ANGPT1: variants seen among roughly 807,000 people sequenced by gnomAD.
ANGPT1 encodes angiopoietin-1.
In ANGPT1, 17 loss-of-function variants were observed where a neutral mutation model predicts 62.2. That is an observed-to-expected ratio of 0.27 (90% CI 0.19 to 0.41). The LOEUF (loss-of-function observed/expected upper bound fraction) is 0.41. Among genes scored for constraint, ANGPT1 ranks in the 10% least tolerant of loss-of-function variants. The pLI, the probability that ANGPT1 is intolerant of heterozygous loss-of-function variation, is 1.00. For missense variants in ANGPT1, 478 were observed against 594.9 expected, an observed-to-expected ratio of 0.80 and a Z score of 2.04; for synonymous variants, 199 against 198.9, an observed-to-expected ratio of 1.00 and a Z score of 0.00.
intron 1 of ANGPT1, among the ~76,000 whole-genome samples, chr8:107,399,427 C>G (rs779309079): frequency 2.0e-5 from 3 of 152,134 alleles, no homozygotes; most frequent in Admixed American, 1.3e-4. Flanking sequence ...ATTGTACTAT[C>G]AAAAACTATT....
chr8:107,330,035 A>C (rs4262299), intron 3 of ANGPT1, among the ~76,000 whole-genome samples: 19,330 of 152,116 alleles, frequency 0.13, 1,519 homozygotes, highest in East Asian at 0.34. Context: ...CTGTTAGAGA[A>C]GCTGACACAT....
At chr8:107,394,730 T>C (rs1279693271) in intron 1 of ANGPT1, among the ~76,000 whole-genome samples, 1 of 152,160 alleles carries the variant, frequency 6.6e-6, no homozygotes, top group Non-Finnish European at 1.5e-5. Flanking sequence ...CCCAAACCAT[T>C]CAGTCTTCAG....
chr8:107,453,037 C>A (rs1811819194), intron 1 of ANGPT1, among the ~76,000 whole-genome samples: 1 of 151,976 alleles, frequency 6.6e-6, no homozygotes, highest in Non-Finnish European at 1.5e-5. Flanking sequence ...AGGTTAAATG[C>A]TTAATGAACT....
chr8:107,412,223 A>G (rs1654751), intron 1 of ANGPT1, among the ~76,000 whole-genome samples: 113,082 of 151,396 alleles, frequency 0.75, 42,937 homozygotes, highest in East Asian at 0.84. Context: ...CATCTCAGTT[A>G]AAAGTGACCT....
intron 2 of ANGPT1, among the ~76,000 whole-genome samples, chr8:107,344,766 G>GA (rs1375519864): frequency 6.6e-6 from 1 of 152,174 alleles, no homozygotes; most frequent in Non-Finnish European, 1.5e-5. Flanking sequence ...CAAGTTAGAT[G>GA]AATATAGGAG....
chr8:107,422,147 G>T (rs1464699046), intron 1 of ANGPT1, among the ~76,000 whole-genome samples: 5 of 152,050 alleles, frequency 3.3e-5, no homozygotes, highest in Non-Finnish European at 2.9e-5. Flanking sequence ...CGTTACCTTA[G>T]TCTACTGAAA....
intron 1 of ANGPT1, among the ~76,000 whole-genome samples, chr8:107,349,651 T>C (rs999890781): frequency 7.9e-5 from 12 of 152,170 alleles, no homozygotes; most frequent in Admixed American, 2.0e-4. Flanking sequence ...GCTTTATAGA[T>C]GAGACTATTG....
intron 7 of ANGPT1, among the ~76,000 whole-genome samples, chr8:107,282,803 T>C (rs894081202): frequency 6.6e-6 from 1 of 151,658 alleles, no homozygotes; most frequent in East Asian, 1.9e-4. Flanking sequence ...ATCACACAGA[T>C]GTCAAAGAAA....
chr8:107,285,686 C>T (rs1031847860), intron 6 of ANGPT1, among the ~76,000 whole-genome samples: 1 of 151,880 alleles, frequency 6.6e-6, no homozygotes, highest in East Asian at 1.9e-4. Flanking sequence ...AAAGCCAGCG[C>T]TTAATGTTGG....
Position 107,264,214 on chromosome 8 carries a change from G to A in ANGPT1, c.1336+7C>T. ...CATAGCTTAGAGAATGGCCCCATAG[G>A]ACTTACCTCCTGTTAACATGAGGGC... On this transcript the variant is annotated splice_region_variant and intron_variant, in intron 8 of 8. Coordinates refer to ENST00000517746, the MANE Select transcript of ANGPT1 (RefSeq NM_001146.5). The A allele has an allele frequency of 2.5e-6, 4 of 1,612,208 alleles. No homozygotes were observed. Among genetic ancestry groups the A allele is most frequent in the Non-Finnish European group, 2.5e-6 (3 of 1,179,216 alleles).
At chr8:107,273,363 A>G (rs13274594) in intron 7 of ANGPT1, among the ~76,000 whole-genome samples, 20,384 of 151,970 alleles carry the variant, frequency 0.13, 1,406 homozygotes, top group East Asian at 0.26. Context: ...TGGACATTGT[A>G]TTGCTATAAG....
At chr8:107,475,768 G>A (rs1382736397) in intron 1 of ANGPT1, among the ~76,000 whole-genome samples, 2 of 152,140 alleles carry the variant, frequency 1.3e-5, no homozygotes, top group African/African-American at 4.8e-5. Flanking sequence ...ATCAAAAAGT[G>A]GGTGAAGGAT....
At chr8:107,371,830 C>T (rs1211705042) in intron 1 of ANGPT1, among the ~76,000 whole-genome samples, 2 of 152,094 alleles carry the variant, frequency 1.3e-5, no homozygotes, top group East Asian at 3.9e-4. Context: ...AATAACTTCT[C>T]ATTACCTTAA....
At chr8:107,474,204 C>A (rs1470005873) in intron 1 of ANGPT1, among the ~76,000 whole-genome samples, 2 of 88,224 alleles carry the variant, frequency 2.3e-5, no homozygotes, top group Non-Finnish European at 4.8e-5. Flanking sequence ...TACTGGCAAA[C>A]CGAATCCAGC....
chr8:107,382,040 C>T (rs1176404423), intron 1 of ANGPT1, among the ~76,000 whole-genome samples: 1 of 152,132 alleles, frequency 6.6e-6, no homozygotes, highest in Non-Finnish European at 1.5e-5. Flanking sequence ...AAATTATTGA[C>T]TCCGTTATTT....
intron 1 of ANGPT1, among the ~76,000 whole-genome samples, chr8:107,390,656 A>G (rs1302868796): frequency 1.3e-5 from 2 of 152,222 alleles, no homozygotes; most frequent in Admixed American, 6.5e-5. Flanking sequence ...CTATTCATGT[A>G]TTTAATAAAC....
intron 1 of ANGPT1, among the ~76,000 whole-genome samples, chr8:107,361,094 CA>C (rs1222162734): frequency 2.0e-5 from 3 of 152,138 alleles, no homozygotes; most frequent in Non-Finnish European, 4.4e-5. Context: ...CTGTTCATTA[CA>C]CCATAATTCC....
chr8:107,357,045 CAT>C (rs2130191266), intron 1 of ANGPT1, among the ~76,000 whole-genome samples: 2 of 152,322 alleles, frequency 1.3e-5, no homozygotes, highest in East Asian at 3.9e-4. Context: ...TCCCAACCTA[CAT>C]GTGTCCAGTT....
At chr8:107,270,899 A>T (rs901029175) in intron 7 of ANGPT1, among the ~76,000 whole-genome samples, 6 of 152,074 alleles carry the variant, frequency 3.9e-5, no homozygotes, top group Non-Finnish European at 7.4e-5. Flanking sequence ...AGAATTGATA[A>T]TGTAAAGTGT....
Sources: allele counts gnomAD v4.1 joint callset (sites outside exome capture counted in the v4.1 genomes callset), GRCh38; gene constraint gnomAD v4.1.1; transcripts MANE v1.5; gene names NCBI Gene and HGNC (gene_info 2026-07-23, HGNC 2026-07-21).